Variants in SIAH3 observed in about 807,000 individuals in gnomAD.
SIAH3 encodes the protein siah E3 ubiquitin protein ligase family member 3.
A neutral mutation model predicts 12.6 loss-of-function variants in SIAH3; 9 were observed. The ratio of observed to expected loss-of-function variants is 0.72; its 90% CI spans 0.43 to 1.25. The LOEUF is 1.25. Among genes scored for constraint, SIAH3 ranks in the 50% most tolerant of loss-of-function variants. SIAH3 has a pLI of 0.00. For synonymous variants in SIAH3, 154 were observed against 151.1 expected (o/e 1.02, Z -0.14); for missense variants, 390 against 365.4 (o/e 1.07, Z -0.55).
intron 1 of SIAH3, among the ~76,000 whole-genome samples, chr13:45,849,990 T>C (rs1950773807): frequency 6.6e-6 from 1 of 152,334 alleles, no homozygotes; most frequent in East Asian, 1.9e-4. Context: ...ACTACATACT[T>C]GCTTTGCCAA....
intron 1 of SIAH3, among the ~76,000 whole-genome samples, chr13:45,837,938 C>T (rs1480357731): frequency 6.6e-6 from 1 of 152,166 alleles, no homozygotes; most frequent in Non-Finnish European, 1.5e-5. Context: ...TTCTGTCACC[C>T]ATGATAAATG....
chr13:45,800,929 A>C (rs1296134730), intron 1 of SIAH3, among the ~76,000 whole-genome samples: 1 of 152,114 alleles, frequency 6.6e-6, no homozygotes, highest in Non-Finnish European at 1.5e-5. Flanking sequence ...TGTTCACAAG[A>C]GGGAAAGGGA....
At chr13:45,829,637 G>A (rs1462371949) in intron 1 of SIAH3, among the ~76,000 whole-genome samples, 2 of 152,050 alleles carry the variant, frequency 1.3e-5, no homozygotes, top group African/African-American at 4.8e-5. Context: ...GCTACATCAT[G>A]GAAGGTTGTC....
intron 1 of SIAH3, among the ~76,000 whole-genome samples, chr13:45,799,462 G>A (rs554086097): frequency 6.6e-6 from 1 of 152,352 alleles, no homozygotes; most frequent in South Asian, 2.1e-4. Flanking sequence ...AATACGGAAT[G>A]GTCCTGGCTG....
At chr13:45,812,718 G>A (rs1213939332) in intron 1 of SIAH3, among the ~76,000 whole-genome samples, 1 of 152,068 alleles carries the variant, frequency 6.6e-6, no homozygotes, top group African/African-American at 2.4e-5. Context: ...TAGCAACCAG[G>A]TAAGGAAGCT....
chr13:45,846,084 C>T (rs75408077), intron 1 of SIAH3, among the ~76,000 whole-genome samples: 31 of 85,652 alleles, frequency 3.6e-4, no homozygotes, highest in Admixed American at 7.0e-4. Context: ...GACCTAACTT[C>T]TTTTTTTTTT....
intron 1 of SIAH3, among the ~76,000 whole-genome samples, chr13:45,813,278 T>G (rs1195524357): frequency 6.6e-6 from 1 of 152,214 alleles, no homozygotes; most frequent in Non-Finnish European, 1.5e-5. Context: ...TTCAGCTCTT[T>G]CAGTCTGTGA....
chr13:45,834,527 C>G (rs923860401), intron 1 of SIAH3, among the ~76,000 whole-genome samples: 1 of 152,136 alleles, frequency 6.6e-6, no homozygotes, highest in East Asian at 1.9e-4. Flanking sequence ...AGCAGAGAGG[C>G]CTCGGGTTCC....
At chr13:45,808,905 A>G (rs1311307669) in intron 1 of SIAH3, among the ~76,000 whole-genome samples, 2 of 152,240 alleles carry the variant, frequency 1.3e-5, no homozygotes. Context: ...GAATATGTTT[A>G]AGACTTGTAC....
At chr13:45,786,343 C>T (rs561810921) in intron 1 of SIAH3, among the ~76,000 whole-genome samples, 10 of 152,316 alleles carry the variant, frequency 6.6e-5, no homozygotes, top group African/African-American at 2.4e-4. Context: ...GTCTTTACAA[C>T]AATCAGGAGA....
intron 1 of SIAH3, among the ~76,000 whole-genome samples, chr13:45,830,085 C>A (rs1950693164): frequency 6.6e-6 from 1 of 152,210 alleles, no homozygotes; most frequent in African/African-American, 2.4e-5. Context: ...TGAACATCTT[C>A]ATAACACATG....
chr13:45,822,681 A>G (rs1950660517), intron 1 of SIAH3, among the ~76,000 whole-genome samples: 1 of 151,420 alleles, frequency 6.6e-6, no homozygotes. Context: ...TTTTTATATC[A>G]TCAGAAAAAT....
chr13:45,835,720 G>C (rs888934624), intron 1 of SIAH3, among the ~76,000 whole-genome samples: 2 of 152,252 alleles, frequency 1.3e-5, no homozygotes, highest in Middle Eastern at 3.4e-3. Context: ...CCCCATCTGT[G>C]AGCTCGGACC....
At chr13:45,807,908 T>C (rs564000861) in intron 1 of SIAH3, among the ~76,000 whole-genome samples, 1 of 152,368 alleles carries the variant, frequency 6.6e-6, no homozygotes, top group Non-Finnish European at 1.5e-5. Context: ...AAATAACTTA[T>C]ATTAACAACC....
At position 45,783,948 on chromosome 13, in the gene SIAH3, C is replaced by A; in HGVS notation, c.245G>T (p.Arg82Leu). 1 of 1,603,986 alleles carries A rather than the reference C, an allele frequency of 6.2e-7. No individual in the cohort carries two copies. Residue 82 changes from arginine to leucine, a missense_variant, in exon 2 of 2, where the codon CGC becomes CTC. By Grantham distance (102) the Arg-to-Leu change is moderately radical. Transcript: ENST00000400405. ...HCHHRHHHHLRHHAHPHHLHH... is the reference protein window; with the variant it reads ...HCHHRHHHHLLHHAHPHHLHH... ...AAGGTGGTGGGGGTGGGCGTGGTGGCGGAGGTGGTGGTGGTGGCGGTGGTG... is the reference window on the plus strand; with the variant it reads ...AAGGTGGTGGGGGTGGGCGTGGTGGAGGAGGTGGTGGTGGTGGCGGTGGTG...
chr13:45,845,193 T>A (rs1372827829), intron 1 of SIAH3, among the ~76,000 whole-genome samples: 1 of 152,178 alleles, frequency 6.6e-6, no homozygotes, highest in Non-Finnish European at 1.5e-5. Flanking sequence ...ATGCATTTTT[T>A]TTTTTTTTTG....
At chr13:45,803,960 A>G (rs1950590815) in intron 1 of SIAH3, among the ~76,000 whole-genome samples, 1 of 152,164 alleles carries the variant, frequency 6.6e-6, no homozygotes, top group African/African-American at 2.4e-5. Flanking sequence ...TACAAAATCC[A>G]TATTTTTATC....
chr13:45,816,816 ACAGGTAGTAG>A (rs1950636266), intron 1 of SIAH3, among the ~76,000 whole-genome samples: 1 of 152,232 alleles, frequency 6.6e-6, no homozygotes, highest in African/African-American at 2.4e-5. Context: ...ACATGTGCCT[ACAGGTAGTAG>A]CAATGAACAG....
chr13:45,798,190 T>C (rs1950569560), intron 1 of SIAH3, among the ~76,000 whole-genome samples: 1 of 152,274 alleles, frequency 6.6e-6, no homozygotes, highest in Non-Finnish European at 1.5e-5. Flanking sequence ...TTTAGTTTAA[T>C]TGGGTTTTCA....
Sources: gnomAD v4.1 joint callset for allele counts (sites outside exome capture counted in the v4.1 genomes callset) on GRCh38, gnomAD v4.1.1 for gene constraint, MANE v1.5 for transcripts, NCBI Gene and HGNC (gene_info 2026-07-23, HGNC 2026-07-21) for gene names.